Variants in NAV2 observed in about 807,000 individuals in gnomAD.
The protein encoded by NAV2 is neuron navigator 2.
Under a neutral mutation model 223.2 loss-of-function variants are expected in NAV2, and 54 were observed. That is an observed-to-expected ratio of 0.24 (90% CI 0.19 to 0.30). The LOEUF (loss-of-function observed/expected upper bound fraction) is 0.30, where lower values mean the gene tolerates loss of function less well. Ranked by LOEUF, NAV2 falls within the 10% of genes least tolerant of loss-of-function variation. The pLI is 1.00. For synonymous variants in NAV2, 1,279 were observed against 1,239.3 expected, an observed-to-expected ratio of 1.03 and a Z score of -0.67; for missense variants, 2,806 against 3,147.5, an observed-to-expected ratio of 0.89 and a Z score of 2.60.
chr11:19,474,208 G>T (rs138603753), intron 1 of NAV2, among the ~76,000 whole-genome samples: 6 of 152,192 alleles, frequency 3.9e-5, no homozygotes, highest in African/African-American at 1.4e-4. Context: ...TCTCATGTCA[G>T]CTCTGAAGAA....
At chr11:20,100,100 T>C (rs1008873704) in intron 31 of NAV2, among the ~76,000 whole-genome samples, 1 of 152,224 alleles carries the variant, frequency 6.6e-6, no homozygotes, top group African/African-American at 2.4e-5. Flanking sequence ...TTCAGTTTAC[T>C]TTTTATTAAT....
intron 1 of NAV2, among the ~76,000 whole-genome samples, chr11:19,735,275 C>A (rs1477610470): frequency 6.6e-6 from 1 of 152,176 alleles, no homozygotes; most frequent in Non-Finnish European, 1.5e-5. Context: ...GTGAGCTTAG[C>A]ACGGGCCCCT....
intron 12 of NAV2, among the ~76,000 whole-genome samples, chr11:20,039,947 G>A (rs1306195071): frequency 1.3e-5 from 2 of 152,208 alleles, no homozygotes; most frequent in Non-Finnish European, 2.9e-5. Flanking sequence ...GGCTGGGGGT[G>A]AGGAGGGGTG....
At chr11:19,735,116 C>T (rs1353017200) in intron 1 of NAV2, among the ~76,000 whole-genome samples, 1 of 152,204 alleles carries the variant, frequency 6.6e-6, no homozygotes, top group Non-Finnish European at 1.5e-5. Context: ...GAGCCCAGGA[C>T]ATATCACATA....
At chr11:19,413,551 T>G (rs1850234818) in intron 1 of NAV2, among the ~76,000 whole-genome samples, 1 of 152,048 alleles carries the variant, frequency 6.6e-6, no homozygotes, top group South Asian at 2.1e-4. Flanking sequence ...CAGGCCAACG[T>G]TCAAATTCAG....
chr11:19,550,572 G>A (rs2044658425), intron 1 of NAV2, among the ~76,000 whole-genome samples: 1 of 152,228 alleles, frequency 6.6e-6, no homozygotes, highest in Admixed American at 6.5e-5. Flanking sequence ...AGCATTGCAA[G>A]CAGCATTGTA....
At chr11:19,467,016 C>CAGAG (rs1215832023) in intron 1 of NAV2, among the ~76,000 whole-genome samples, 42 of 88,966 alleles carry the variant, frequency 4.7e-4, no homozygotes, top group Admixed American at 1.1e-3. Flanking sequence ...CACACACACA[C>CAGAG]ACAGAGAGAG....
intron 11 of NAV2, chr11:20,027,399 G>A (rs774755086): frequency 5.2e-5 from 35 of 674,002 alleles, no homozygotes; most frequent in East Asian, 1.5e-4. Flanking sequence ...GCTGTCTGGC[G>A]GGGGGCATGG....
chr11:19,777,954 C>T (rs2056411748), intron 1 of NAV2: 1 of 455,654 alleles, frequency 2.2e-6, no homozygotes, highest in Non-Finnish European at 4.4e-6. Flanking sequence ...TGCGGTTTGG[C>T]TTGTCTGTGG....
intron 1 of NAV2, chr11:19,714,496 C>A (rs1423284531): frequency 2.2e-6 from 1 of 456,086 alleles, no homozygotes; most frequent in South Asian, 1.5e-5. Context: ...CCTGTCCCTG[C>A]CCCATCCTGC....
At chr11:19,487,073 A>G (rs1231904754) in intron 1 of NAV2, among the ~76,000 whole-genome samples, 1 of 152,190 alleles carries the variant, frequency 6.6e-6, no homozygotes, top group Admixed American at 6.5e-5. Flanking sequence ...TACCTGGGTA[A>G]GTGGCTTTCC....
intron 1 of NAV2, among the ~76,000 whole-genome samples, chr11:19,616,592 G>A (rs1328014526): frequency 1.3e-5 from 2 of 152,026 alleles, no homozygotes; most frequent in African/African-American, 4.8e-5. Context: ...CACCCAGGCT[G>A]GCGAGCTGGC....
chr11:19,907,534 G>GA (rs2042974494), intron 6 of NAV2, among the ~76,000 whole-genome samples: 2 of 152,104 alleles, frequency 1.3e-5, no homozygotes, highest in African/African-American at 4.8e-5. Flanking sequence ...TAGGGGGAGG[G>GA]GGAATTTGAG....
intron 1 of NAV2, among the ~76,000 whole-genome samples, chr11:19,412,025 C>A (rs1046665852): frequency 2.6e-5 from 4 of 152,110 alleles, no homozygotes; most frequent in Non-Finnish European, 4.4e-5. Context: ...GAGCTAGCTG[C>A]AGGTGTTTTT....
chr11:19,879,653 G>A (rs1247003911), intron 4 of NAV2, among the ~76,000 whole-genome samples: 1 of 152,144 alleles, frequency 6.6e-6, no homozygotes, highest in Non-Finnish European at 1.5e-5. Flanking sequence ...CAGACATCCA[G>A]TTGCACTTGC....
intron 6 of NAV2, among the ~76,000 whole-genome samples, chr11:19,912,753 T>C (rs76910990): frequency 0.072 from 11,004 of 152,246 alleles, 1,331 homozygotes; most frequent in African/African-American, 0.25. Context: ...TGAGGAACAT[T>C]ACTGTATGTA....
chr11:19,899,349 A>C (rs1209651358), intron 6 of NAV2, among the ~76,000 whole-genome samples: 1 of 152,192 alleles, frequency 6.6e-6, no homozygotes, highest in Non-Finnish European at 1.5e-5. Context: ...CAAGTTATTT[A>C]TCTGAGCTGG....
chr11:19,820,838 C>T (rs1402933517), intron 1 of NAV2, among the ~76,000 whole-genome samples: 1 of 152,150 alleles, frequency 6.6e-6, no homozygotes, highest in Non-Finnish European at 1.5e-5. Flanking sequence ...TAGATGAGAT[C>T]ACAGGTACAA....
intron 1 of NAV2, among the ~76,000 whole-genome samples, chr11:19,789,494 A>G (rs866017014): frequency 6.6e-5 from 10 of 152,340 alleles, no homozygotes; most frequent in South Asian, 2.1e-4. Flanking sequence ...ACCGGAATGC[A>G]TACATGGCAT....
Sources: allele counts gnomAD v4.1 joint callset (sites outside exome capture counted in the v4.1 genomes callset), GRCh38; gene constraint gnomAD v4.1.1; transcripts MANE v1.5; gene names NCBI Gene and HGNC (gene_info 2026-07-23, HGNC 2026-07-21).